Variants in WFDC13 observed in about 807,000 individuals in gnomAD.
The protein encoded by WFDC13 is WAP four-disulfide core domain 13.
A neutral mutation model predicts 10.9 loss-of-function variants in WFDC13; 6 were observed. The observed-to-expected ratio is 0.55, with a 90% CI of 0.30 to 1.09. The LOEUF (loss-of-function observed/expected upper bound fraction) is 1.09, where lower values mean the gene tolerates loss of function less well. WFDC13 is among the 50% of genes least tolerant of loss of function. WFDC13 has a pLI of 0.06. For missense variants in WFDC13, 104 were observed against 109.6 expected, an observed-to-expected ratio of 0.95 and a Z score of 0.23; for synonymous variants, 38 against 39.5, an observed-to-expected ratio of 0.96 and a Z score of 0.14.
intron 2 of WFDC13, 40 bp downstream of exon 2, chr20:45,704,634 C>T (rs1257793773): frequency 6.2e-7 from 1 of 1,605,802 alleles, no homozygotes; most frequent in Non-Finnish European, 8.5e-7. Context: ...CCTAGAGCTG[C>T]TGGTGGGAGC....
intron 1 of WFDC13, among the ~76,000 whole-genome samples, 166 bp from the exon 2 acceptor site, chr20:45,704,278 C>T (rs1446613804): frequency 6.6e-6 from 1 of 152,202 alleles, no homozygotes; most frequent in Admixed American, 6.5e-5. Flanking sequence ...CTGCTCAGAA[C>T]TCAGAGGAAG....
chr20:45,705,825 T>C (rs752840450), intron 2 of WFDC13, 38 bp from the exon 3 acceptor site: 16 of 1,591,516 alleles, frequency 1.0e-5, no homozygotes, highest in Non-Finnish European at 1.4e-5. Context: ...AAAGTAAAAC[T>C]TCACTAGTTA....
chr20:45,708,037 C>G lies in WFDC13; in HGVS notation c.*202C>G, dbSNP rs1458922124. ...TGCAAGAGCCCCTTCCAAAGCTCAGCACAGTTTCCTCCTGGGATGAGGAGA... is the reference window on the plus strand; with the variant it reads ...TGCAAGAGCCCCTTCCAAAGCTCAGGACAGTTTCCTCCTGGGATGAGGAGA... On this transcript the variant is annotated 3_prime_UTR_variant, in exon 4 of 4. Transcript: ENST00000305479. 1 of 152,192 alleles carries G rather than the reference C, an allele frequency of 6.6e-6. No individual in the cohort carries two copies. The highest frequency in any genetic ancestry group is 1.5e-5 in the Non-Finnish European group (1 of 68,064). 9.4% of individuals were successfully genotyped at this position (152,192 alleles called of 1,614,324 possible).
chr20:45,707,245 A>G (rs1984431684), intron 3 of WFDC13, among the ~76,000 whole-genome samples: 1 of 152,212 alleles, frequency 6.6e-6, no homozygotes, highest in Non-Finnish European at 1.5e-5. Context: ...TTGGCCTACC[A>G]TAACCTAGTG....
chr20:45,705,024 A>G, intron 2 of WFDC13: 2 of 1,606,912 alleles, frequency 1.2e-6, no homozygotes, highest in Non-Finnish European at 1.7e-6. Context: ...GGCTCTGGAG[A>G]TCCAGCCCAA....
rs925529241 is a variant in WFDC13, at chr20:45,707,865, C to T, written c.*30C>T. 25 of 152,328 alleles carry T rather than the reference C, an allele frequency of 1.6e-4. No individual in the cohort carries two copies. The highest frequency in any genetic ancestry group is 7.7e-4 in the East Asian group (4 of 5,190). 9.4% of individuals were successfully genotyped at this position (152,328 alleles called of 1,614,324 possible). ...ATCTTTCCTTCCCCACAGGCCTCTA[C>T]GATGTTTTTTCTTGGTCCACCTTTA... On this transcript the variant is annotated 3_prime_UTR_variant, in exon 4 of 4. Transcript: ENST00000305479.
Position 45,706,596 on chromosome 20 carries a change from AC to A in WFDC13, c.*22+672del, listed in dbSNP as rs1283235964. Among the ~76,000 whole-genome samples, 34 of 152,214 alleles carry A rather than the reference AC, an allele frequency of 2.2e-4. No individual in the cohort carries two copies. In the South Asian group the frequency reaches 5.6e-3, roughly 25 times the overall value. ...AGACCAGCCTGACCAACAGAGTGAA[AC>A]CCTGTCTCTACTAAAAATACAAAAA... On this transcript the variant is annotated intron_variant, in intron 3 of 3. Coordinates refer to ENST00000305479, the MANE Select transcript of WFDC13 (RefSeq NM_172005.2).
chr20:45,706,468 T>A (rs1984393789), intron 3 of WFDC13, among the ~76,000 whole-genome samples: 1 of 152,076 alleles, frequency 6.6e-6, no homozygotes, highest in Non-Finnish European at 1.5e-5. Flanking sequence ...GGTTCCAGTT[T>A]TTTCTCTGAA....
rs1296929979 is a variant in WFDC13 at position 45,708,595 on chromosome 20, T to G, written c.*760T>G. 6.6e-6 allele frequency: 1 copy of G among 152,142 alleles called. No homozygotes were observed. The highest frequency in any genetic ancestry group is 1.9e-4 in the East Asian group (1 of 5,204). 9.4% of individuals were successfully genotyped at this position (152,142 alleles called of 1,614,324 possible). Reference sequence around the variant, plus strand: ...CAAAGATTGAATTATCCTTCTGTTCTCTCTACAGAAATGATATAAAAACTA... The same window carrying G: ...CAAAGATTGAATTATCCTTCTGTTCGCTCTACAGAAATGATATAAAAACTA... On this transcript the variant is annotated 3_prime_UTR_variant, in exon 4 of 4. Transcript: ENST00000305479.
Position 45,705,877 on chromosome 20 carries a change from G to A in WFDC13, c.254G>A (p.Gly85Asp), listed in dbSNP as rs373051797. The A allele has an allele frequency of 6.2e-7, 1 of 1,613,832 alleles. No individual in the cohort carries two copies. Among genetic ancestry groups the A allele is most frequent in the Non-Finnish European group, 8.5e-7 (1 of 1,179,936 alleles). ...FQKRNRIKHK[G>D]SEVIMPAN ...TTCTTCTACAGAATCAAACACAAGG[G>A]CTCAGAAGTCATCATGCCTGCCAAC... is the stretch of plus-strand genomic sequence containing the variant. The change falls in exon 3 of 4, where the codon GGC (glycine) becomes GAC (aspartate). Residue 85 changes from glycine to aspartate, a missense_variant. Gly to Asp is a moderately conservative substitution (Grantham distance 94, BLOSUM62 -1). Transcript: ENST00000305479.
chr20:45,704,226 C>G (rs1014008287), intron 1 of WFDC13, among the ~76,000 whole-genome samples: 1 of 152,290 alleles, frequency 6.6e-6, no homozygotes. Flanking sequence ...AGGGTTCTAC[C>G]AAACTCTGTT....
intron 3 of WFDC13, among the ~76,000 whole-genome samples, chr20:45,706,204 G>A (rs895607511): frequency 6.6e-5 from 10 of 152,204 alleles, no homozygotes; most frequent in African/African-American, 2.4e-4. Flanking sequence ...CTGAGGCTTT[G>A]TCAAGGAACA....
intron 3 of WFDC13, among the ~76,000 whole-genome samples, chr20:45,707,056 G>A (rs1374116686): frequency 6.6e-6 from 1 of 152,236 alleles, no homozygotes; most frequent in Non-Finnish European, 1.5e-5. Context: ...GCAGGTGGAG[G>A]CCAGTGGAGC....
chr20:45,702,222 G>T lies in WFDC13; in HGVS notation c.88+11G>T. ...AGCAGCGTGTTCTGAGTAGGTGCTG[G>T]ATCTGGGCCCAAGGAGGGAAGTAAC... On this transcript the variant is annotated intron_variant, in intron 1 of 3. Coordinates refer to ENST00000305479, the MANE Select transcript of WFDC13 (RefSeq NM_172005.2). The T allele has an allele frequency of 1.2e-6, 2 of 1,609,100 alleles. No individual in the cohort carries two copies. The highest frequency in any genetic ancestry group is 1.7e-6 in the Non-Finnish European group (2 of 1,177,728).
chr20:45,704,301 G>A, intron 1 of WFDC13, 143 bp from the exon 2 acceptor site: 3 of 1,106,824 alleles, frequency 2.7e-6, no homozygotes, highest in Non-Finnish European at 3.8e-6. Context: ...AGCAGCTGAG[G>A]ACAAAACCTG....
chr20:45,702,171 A>C lies in WFDC13; in HGVS notation c.48A>C (p.Ala16=). ...AGTTCCTGGTGGTGTTCTGCCTAGC[A>C]CTGCAGCTGGTGCCTGGGAGTCCCA... ...PLQFLVVFCL[A]LQLVPGSPKQ... Residue 16 remains alanine (A), a synonymous_variant, in exon 1 of 4, where the codon GCA becomes GCC. Coordinates refer to ENST00000305479, the MANE Select transcript of WFDC13 (RefSeq NM_172005.2). The C allele has an allele frequency of 6.2e-7, 1 of 1,613,414 alleles. No homozygotes were observed. Among genetic ancestry groups the C allele is most frequent in the African/African-American group, 1.3e-5 (1 of 75,028 alleles).
At chr20:45,704,779 C>A in intron 2 of WFDC13, 185 bp downstream of exon 2, 15 of 1,274,162 alleles carry the variant, frequency 1.2e-5, no homozygotes, top group Non-Finnish European at 1.4e-5. Flanking sequence ...TAGAAAAGCC[C>A]TCCTCCCCTC....
At chr20:45,704,687 C>CA in intron 2 of WFDC13, 93 bp downstream of exon 2, 6 of 1,333,344 alleles carry the variant, frequency 4.5e-6, no homozygotes, top group Non-Finnish European at 6.0e-6. Flanking sequence ...TGGATCTCTC[C>CA]TTTTTTTTTT....
At chr20:45,707,328 T>A (rs1984435488) in intron 3 of WFDC13, among the ~76,000 whole-genome samples, 1 of 152,206 alleles carries the variant, frequency 6.6e-6, no homozygotes, top group Non-Finnish European at 1.5e-5. Flanking sequence ...ACTGACCATA[T>A]GTGGTTCGAG....
Sources: allele counts gnomAD v4.1 joint callset (sites outside exome capture counted in the v4.1 genomes callset), GRCh38; gene constraint gnomAD v4.1.1; transcripts MANE v1.5; gene names NCBI Gene and HGNC (gene_info 2026-07-23, HGNC 2026-07-21).